Variants in FHDC1 observed in about 807,000 individuals in gnomAD.
FHDC1 encodes FH2 domain containing 1.
A neutral mutation model predicts 52.6 loss-of-function variants in FHDC1; 25 were observed. The observed-to-expected ratio is 0.48, with a 90% confidence interval of 0.35 to 0.66. The LOEUF (loss-of-function observed/expected upper bound fraction) is 0.66. FHDC1 is among the 30% of genes least tolerant of loss of function. The pLI is 0.01. For missense variants in FHDC1, 1,459 were observed against 1,452.8 expected (o/e 1.00, Z -0.07); for synonymous variants, 616 against 581.5 (o/e 1.06, Z -0.85).
chr4:152,948,351 A>C (rs577494238), intron 2 of FHDC1, among the ~76,000 whole-genome samples: 1 of 152,282 alleles, frequency 6.6e-6, no homozygotes, highest in Admixed American at 6.5e-5. Flanking sequence ...CAAATACTGT[A>C]TGATTCCCTC....
chr4:152,968,173 G>A lies in FHDC1; in HGVS notation c.1218+76G>A, dbSNP rs575968020. 28 of 995,470 alleles carry A rather than the reference G, an allele frequency of 2.8e-5. 1 individual carries two copies. The South Asian group carries it at 3.6e-4, about 13-fold the overall frequency. 61.7% of individuals were successfully genotyped at this position (995,470 alleles called of 1,614,324 possible). ...CCCGGGGCTGGTTAAATTTGCATGG[G>A]TGTATTTGTGGAAGCAGCAGTTCCC... On this transcript the variant is annotated intron_variant, in intron 10 of 11. Transcript: ENST00000511601.
rs772836740 is a variant in FHDC1 at position 152,976,649 on chromosome 4, G to A, written c.3358G>A (p.Glu1120Lys). The change falls in exon 12 of 12, where the codon GAA (glutamate) becomes AAA (lysine). Residue 1120 changes from glutamate to lysine, a missense_variant. Glu to Lys is a moderately conservative substitution (Grantham distance 56). Transcript: ENST00000511601. ...EAPLKARGAG[E>K]RASLRRKDSS... ...CCCTCTGAAGGCCAGAGGGGCTGGG[G>A]AAAGGGCCTCCCTCCGTCGGAAGGA... 6.3e-7 allele frequency: 1 copy of A among 1,593,174 alleles called. No individual in the cohort carries two copies.
chr4:152,919,972 G>A, the FHDC1 span, among the ~76,000 whole-genome samples: 1 of 92,626 alleles, frequency 1.1e-5, no homozygotes, highest in African/African-American at 4.1e-5. Flanking sequence ...TTTTTTTTTG[G>A]AGACTCTCTG....
At chr4:152,915,553 C>T in the FHDC1 span, among the ~76,000 whole-genome samples, 1 of 152,212 alleles carries the variant, frequency 6.6e-6, no homozygotes, top group Admixed American at 6.5e-5. Context: ...ACACTTATAA[C>T]TTACTCTAAA....
intron 2 of FHDC1, among the ~76,000 whole-genome samples, chr4:152,951,766 C>T (rs893327740): frequency 2.6e-5 from 4 of 152,044 alleles, no homozygotes; most frequent in African/African-American, 4.8e-5. Flanking sequence ...AAAAAACAAA[C>T]GGGAAAAAAC....
the FHDC1 span, among the ~76,000 whole-genome samples, chr4:152,928,798 G>A: frequency 6.6e-6 from 1 of 151,924 alleles, no homozygotes; most frequent in Non-Finnish European, 1.5e-5. Flanking sequence ...CACTTGGCAT[G>A]CACTGTGAAA....
chr4:152,961,626 G>A (rs925394314), intron 6 of FHDC1, among the ~76,000 whole-genome samples: 7 of 152,154 alleles, frequency 4.6e-5, no homozygotes, highest in African/African-American at 1.7e-4. Context: ...TTCAGCATGC[G>A]TCAGTGCCAG....
chr4:152,914,110 C>G, the FHDC1 span, among the ~76,000 whole-genome samples: 1 of 152,208 alleles, frequency 6.6e-6, no homozygotes, highest in Non-Finnish European at 1.5e-5. Context: ...AGAAGACCAG[C>G]TGTATTTTGC....
intron 6 of FHDC1, among the ~76,000 whole-genome samples, chr4:152,961,749 T>G (rs1740288248): frequency 6.6e-6 from 1 of 152,236 alleles, no homozygotes; most frequent in African/African-American, 2.4e-5. Context: ...AAAATTTTTC[T>G]CTTTGGTCCA....
chr4:152,967,180 C>T (rs1362889984), intron 9 of FHDC1, among the ~76,000 whole-genome samples: 1 of 152,172 alleles, frequency 6.6e-6, no homozygotes, highest in Admixed American at 6.5e-5. Context: ...AATCCTAGCA[C>T]TTTGGGAGGC....
At position 152,957,886 on chromosome 4, in the gene FHDC1, T is replaced by C. The variant is rs1740149396; in HGVS notation, c.664-2679T>C. 2.0e-5 allele frequency among the ~76,000 whole-genome samples: 3 copies of C among 152,070 alleles called. No individual in the cohort carries two copies. The South Asian group carries it at 6.2e-4, about 31-fold the overall frequency. On this transcript the variant is annotated intron_variant, in intron 4 of 11. Transcript: ENST00000511601. ...CAGAAATGAAACTCTGGGAGTGTGT[T>C]CTTGTCCAGCACGGAGTTCCCAAGC...
chr4:152,953,026 C>T (rs938841711), intron 2 of FHDC1, among the ~76,000 whole-genome samples: 8 of 151,800 alleles, frequency 5.3e-5, no homozygotes, highest in East Asian at 3.9e-4. Flanking sequence ...CAGCTGCCCT[C>T]GGGAGGCTGA....
intron 2 of FHDC1, 76 bp downstream of exon 2, chr4:152,943,631 AT>A: frequency 6.8e-7 from 1 of 1,480,924 alleles, no homozygotes; most frequent in Non-Finnish European, 9.1e-7. Flanking sequence ...TACATTTCAA[AT>A]AATTGCTAGA....
the FHDC1 span, among the ~76,000 whole-genome samples, chr4:152,926,243 A>C: frequency 1.4e-5 from 2 of 147,366 alleles, no homozygotes; most frequent in African/African-American, 2.5e-5. Flanking sequence ...AAACAAAACA[A>C]AACATGAAGG....
In FHDC1 at chr4:152,977,049, CAAA is replaced by C. The variant is rs1342648448; in HGVS notation, c.*330_*332del. 1 of 206,056 alleles carries C rather than the reference CAAA, an allele frequency of 4.9e-6. No individual in the cohort carries two copies. Among genetic ancestry groups the C allele is most frequent in the African/African-American group, 2.4e-5 (1 of 40,862 alleles). 12.8% of individuals were successfully genotyped at this position (206,056 alleles called of 1,614,324 possible). On this transcript the variant is annotated 3_prime_UTR_variant, in exon 12 of 12. Coordinates refer to ENST00000511601, the MANE Select transcript of FHDC1 (RefSeq NM_001371116.1). ...AAAGTGACATTCTTATGAAACAAGT[CAAA>C]AAAGTTTTTTTCAGGCCAGTTTTTA...
chr4:152,928,224 C>T, the FHDC1 span: 2 of 738,670 alleles, frequency 2.7e-6, no homozygotes, highest in Admixed American at 1.8e-5. Context: ...TCTGTCCTTA[C>T]ACAGGGAGCT....
chr4:152,941,954 A>G (rs1739585388), intron 1 of FHDC1, among the ~76,000 whole-genome samples: 1 of 152,188 alleles, frequency 6.6e-6, no homozygotes, highest in African/African-American at 2.4e-5. Context: ...CTGTTCTCGT[A>G]TCTGAAGAAA....
the FHDC1 span, among the ~76,000 whole-genome samples, chr4:152,924,821 G>A: frequency 7.0e-6 from 1 of 142,658 alleles, no homozygotes; most frequent in Non-Finnish European, 1.5e-5. Context: ...GAGAACACAT[G>A]GGACACAGGA....
chr4:152,964,469 C>T (rs952181438), intron 8 of FHDC1, among the ~76,000 whole-genome samples: 1 of 152,170 alleles, frequency 6.6e-6, no homozygotes, highest in African/African-American at 2.4e-5. Context: ...TTGCCTTCCT[C>T]TCACCTCCTG....
Sources: allele counts gnomAD v4.1 joint callset (sites outside exome capture counted in the v4.1 genomes callset), GRCh38; gene constraint gnomAD v4.1.1; transcripts MANE v1.5; gene names NCBI Gene and HGNC (gene_info 2026-07-23, HGNC 2026-07-21).